Variants in ADRA1A observed in about 807,000 individuals in gnomAD.
ADRA1A encodes adrenoceptor alpha 1A.
A neutral mutation model predicts 29.6 loss-of-function variants in ADRA1A; 31 were observed. The ratio of observed to expected loss-of-function variants is 1.05; its 90% CI spans 0.79 to 1.41. The LOEUF is 1.41. ADRA1A is among the 40% of genes most tolerant of loss of function. ADRA1A has a pLI of 0.00. For missense variants in ADRA1A, 619 were observed against 601.1 expected (o/e 1.03, Z -0.31); for synonymous variants, 311 against 254.3 (o/e 1.22, Z -2.12).
intron 2 of ADRA1A, among the ~76,000 whole-genome samples, chr8:26,783,544 G>C (rs181775820): frequency 2.0e-5 from 3 of 152,190 alleles, no homozygotes; most frequent in Non-Finnish European, 4.4e-5. Flanking sequence ...GTTTCCAACT[G>C]TTCCAGAGAT....
At chr8:26,751,565 T>A (rs569371684), downstream of ADRA1A, among the ~76,000 whole-genome samples, 20 of 152,144 alleles carry the variant, frequency 1.3e-4, no homozygotes, top group Admixed American at 6.5e-4. Context: ...TCAGTATGGG[T>A]GAGTGTAAGG....
intron 2 of ADRA1A, among the ~76,000 whole-genome samples, chr8:26,816,739 C>A (rs543712286): frequency 6.6e-6 from 1 of 152,302 alleles, no homozygotes; most frequent in Admixed American, 6.5e-5. Context: ...AGTACCTTGT[C>A]CACACACACT....
At chr8:26,781,895 T>G (rs536526931) in intron 2 of ADRA1A, among the ~76,000 whole-genome samples, 2 of 152,338 alleles carry the variant, frequency 1.3e-5, no homozygotes, top group East Asian at 1.9e-4. Flanking sequence ...GTCCTGATCC[T>G]TGCCAGAAAG....
At chr8:26,837,963 G>A (rs1257767107) in intron 2 of ADRA1A, among the ~76,000 whole-genome samples, 1 of 152,222 alleles carries the variant, frequency 6.6e-6, no homozygotes, top group African/African-American at 2.4e-5. Flanking sequence ...TTTAGTGATT[G>A]TATGCAGTGC....
exon 3 of ADRA1A, chr8:26,756,410 G>A (rs560266291): frequency 4.8e-5 from 64 of 1,332,994 alleles, no homozygotes; most frequent in Middle Eastern, 5.9e-4. Flanking sequence ...CACCCTACAC[G>A]TGGCTGATGA....
rs115030364 is a variant in ADRA1A at position 26,796,932 on chromosome 8, T to C, written c.884-26266A>G. On this transcript the variant is annotated intron_variant, in intron 2 of 2. Coordinates refer to ENST00000380573, the MANE Select transcript of ADRA1A (RefSeq NM_000680.4). The surrounding 1 kb of genome is among the most constrained non-coding windows in gnomAD (Gnocchi z 5.0). ...ATTTTTATAGAGATGAGACTGGAAT[T>C]GAGAGTGAAATGAAGGGAGTCGTAT... is the stretch of plus-strand genomic sequence containing the variant. 0.017 allele frequency among the ~76,000 whole-genome samples: 2,631 copies of C among 152,194 alleles called. 69 individuals are homozygous for C. The highest frequency in any genetic ancestry group is 0.057 in the African/African-American group (2,377 of 41,518).
Position 26,865,624 on chromosome 8 carries a change from G to A in ADRA1A, c.-655C>T. The A allele has an allele frequency of 2.0e-6, 2 of 986,210 alleles. No individual in the cohort carries two copies. The highest frequency in any genetic ancestry group is 6.1e-5 in the Admixed American group (1 of 16,314). 61.1% of individuals were successfully genotyped at this position (986,210 alleles called of 1,614,324 possible). On this transcript the variant is annotated 5_prime_UTR_variant, in exon 2 of 3. Coordinates refer to ENST00000380573, the MANE Select transcript of ADRA1A (RefSeq NM_000680.4). The surrounding 1 kb of genome is among the most constrained non-coding windows in gnomAD (Gnocchi z 7.6). The stretch of plus-strand genomic sequence containing the variant: ...GTGTGGAATATGTGCTGAGACCCAG[G>A]AGGCTGCGGGGCATCGTTTGACCGC...
intron 2 of ADRA1A, among the ~76,000 whole-genome samples, chr8:26,812,355 C>A (rs1809453601): frequency 6.6e-6 from 1 of 152,118 alleles, no homozygotes; most frequent in Admixed American, 6.6e-5. Flanking sequence ...TATCGAATAA[C>A]TGATACTCAG....
downstream of ADRA1A, among the ~76,000 whole-genome samples, chr8:26,756,034 C>T (rs960969112): frequency 2.0e-5 from 3 of 152,146 alleles, no homozygotes; most frequent in African/African-American, 7.2e-5. Flanking sequence ...CGGCATGTGG[C>T]CTTGCCTGCC....
downstream of ADRA1A, among the ~76,000 whole-genome samples, chr8:26,768,588 T>C (rs949565744): frequency 2.6e-5 from 4 of 152,206 alleles, no homozygotes; most frequent in Non-Finnish European, 5.9e-5. Context: ...CTCATGTCTA[T>C]GGGTTGCAGT....
At chr8:26,863,311 A>C (rs115366457) in intron 2 of ADRA1A, among the ~76,000 whole-genome samples, 5,572 of 152,296 alleles carry the variant, frequency 0.037, 310 homozygotes, top group African/African-American at 0.13. Flanking sequence ...CAGCTAATTT[A>C]GCATCTGCAA....
chr8:26,864,764 G>A lies in ADRA1A; in HGVS notation c.206C>T (p.Ala69Val), dbSNP rs969571942. The change falls in exon 2 of 3, where the codon GCG (alanine) becomes GTG (valine). Residue 69 changes from alanine to valine, a missense_variant. Physicochemically the swap from Ala to Val is moderately conservative, Grantham distance 64 (BLOSUM62 0). Transcript: ENST00000380573. The surrounding 1 kb of genome is among the most constrained non-coding windows in gnomAD (Gnocchi z 8.1). ...SVTHYYIVNL[A>V]VADLLLTSTV... ...GGAGGTGAGCAGGAGGTCGGCCACC[G>A]CCAGGTTGACGATGTAGTAGTGCGT... 6.2e-7 allele frequency: 1 copy of A among 1,614,148 alleles called. No individual in the cohort carries two copies. The highest frequency in any genetic ancestry group is 1.1e-5 in the South Asian group (1 of 91,076).
intron 2 of ADRA1A, among the ~76,000 whole-genome samples, chr8:26,791,750 A>G (rs1807850748): frequency 6.6e-6 from 1 of 152,024 alleles, no homozygotes. Context: ...GTATTCATTC[A>G]TGTTCCCTCT....
exon 3 of ADRA1A, chr8:26,756,450 G>C: frequency 6.9e-7 from 1 of 1,438,924 alleles, no homozygotes; most frequent in South Asian, 1.3e-5. Context: ...AATGAAATGG[G>C]GGAGGGAGGT....
chr8:26,856,301 G>A (rs111346389), intron 2 of ADRA1A, among the ~76,000 whole-genome samples: 2 of 152,310 alleles, frequency 1.3e-5, no homozygotes, highest in African/African-American at 4.8e-5. Flanking sequence ...CACTTGGCAG[G>A]ATACAGCTCC....
Position 26,806,049 on chromosome 8 carries a change from G to A in ADRA1A, c.884-35383C>T, listed in dbSNP as rs1808954893. 6.6e-6 allele frequency among the ~76,000 whole-genome samples: 1 copy of A among 152,142 alleles called. No individual in the cohort carries two copies. The highest frequency in any genetic ancestry group is 1.5e-5 in the Non-Finnish European group (1 of 68,016). ...GGCCACTTGTGGCAGCCGCCAATGT[G>A]CTTGCTCTTCCTATTTTATCCTTCC... On this transcript the variant is annotated intron_variant, in intron 2 of 2. Transcript: ENST00000380573. The surrounding 1 kb of genome is among the most constrained non-coding windows in gnomAD (Gnocchi z 4.6).
intron 2 of ADRA1A, chr8:26,779,077 T>A: frequency 2.2e-6 from 1 of 464,802 alleles, no homozygotes. Context: ...ACGGTACATA[T>A]CACAGTTTTT....
chr8:26,824,008 T>G (rs1810367181), intron 2 of ADRA1A, among the ~76,000 whole-genome samples: 1 of 152,180 alleles, frequency 6.6e-6, no homozygotes, highest in African/African-American at 2.4e-5. Flanking sequence ...GCTGCTTCTT[T>G]CTCCTCCCCC....
chr8:26,749,797 T>C (rs890577421), intron 2 of ADRA1A, among the ~76,000 whole-genome samples: 4 of 152,220 alleles, frequency 2.6e-5, no homozygotes, highest in African/African-American at 7.2e-5. Flanking sequence ...TGGTTGTTCT[T>C]GGACCATGTA....
Sources: gnomAD v4.1 joint callset for allele counts (sites outside exome capture counted in the v4.1 genomes callset) on GRCh38, gnomAD v4.1.1 for gene constraint, Gnocchi (gnomAD v3.1) non-coding constraint, MANE v1.5 for transcripts, NCBI Gene and HGNC (gene_info 2026-07-23, HGNC 2026-07-21) for gene names.